The following PTPRQ variants were observed in gnomAD, a reference collection of about 807,000 sequenced individuals.
PTPRQ encodes phosphatidylinositol phosphatase PTPRQ.
In PTPRQ, 199 loss-of-function variants were observed where a neutral mutation model predicts 246.0. The ratio of observed to expected loss-of-function variants is 0.81; its 90% CI spans 0.72 to 0.91. PTPRQ has a LOEUF of 0.91. PTPRQ is among the 40% of genes least tolerant of loss of function. PTPRQ has a pLI of 0.00. For synonymous variants in PTPRQ, 869 were observed against 853.2 expected, an observed-to-expected ratio of 1.02 and a Z score of -0.32; for missense variants, 2,624 against 2,528.4, an observed-to-expected ratio of 1.04 and a Z score of -0.81.
At chr12:80,633,348 C>T (rs1348075612) in intron 34 of PTPRQ, among the ~76,000 whole-genome samples, 1 of 152,186 alleles carries the variant, frequency 6.6e-6, no homozygotes, top group Non-Finnish European at 1.5e-5. Context: ...AGACCCCCTT[C>T]TCATGCTTAC....
Position 80,483,873 on chromosome 12 carries a change from T to C in PTPRQ, c.1187-560T>C, listed in dbSNP as rs1428837423. Among the ~76,000 whole-genome samples, 3 of 152,292 alleles carry C rather than the reference T, an allele frequency of 2.0e-5. No individual in the cohort carries two copies. In the East Asian group the frequency reaches 5.8e-4, roughly 29 times the overall value. On this transcript the variant is annotated intron_variant, in intron 8 of 44. Coordinates refer to ENST00000644991, the MANE Select transcript of PTPRQ (RefSeq NM_001145026.2). ...CCTTGTGATAGTTTGCTGAGAATGA[T>C]GGTTTCCAGCTTTATCCATGTCCCT...
At chr12:80,664,403 A>T (rs1368803902) in intron 39 of PTPRQ, among the ~76,000 whole-genome samples, 1 of 151,996 alleles carries the variant, frequency 6.6e-6, no homozygotes, top group African/African-American at 2.4e-5. Context: ...CTGTGGCTGC[A>T]TATGAACTGT....
At chr12:80,511,103 T>C (rs1895113281) in intron 17 of PTPRQ, among the ~76,000 whole-genome samples, 2 of 152,146 alleles carry the variant, frequency 1.3e-5, no homozygotes. Context: ...ATATTTCAAC[T>C]CAGAAAATAC....
chr12:80,551,471 G>A (rs1196769192), intron 25 of PTPRQ, among the ~76,000 whole-genome samples: 1 of 152,100 alleles, frequency 6.6e-6, no homozygotes, highest in Non-Finnish European at 1.5e-5. Context: ...CTACCCATAA[G>A]TCTCATCTTT....
chr12:80,598,435 T>A (rs1898040113), intron 26 of PTPRQ, among the ~76,000 whole-genome samples: 1 of 151,972 alleles, frequency 6.6e-6, no homozygotes, highest in African/African-American at 2.4e-5. Context: ...GGAAATAAGA[T>A]GAATCCAATT....
chr12:80,503,924 T>C lies in PTPRQ; in HGVS notation c.2273-2100T>C, dbSNP rs146938054. 1.7e-3 allele frequency among the ~76,000 whole-genome samples: 251 copies of C among 148,272 alleles called. 1 individual carries two copies. Among genetic ancestry groups the C allele is most frequent in the African/African-American group, 6.1e-3 (240 of 39,152 alleles). On this transcript the variant is annotated intron_variant, in intron 14 of 44. Coordinates refer to ENST00000644991, the MANE Select transcript of PTPRQ (RefSeq NM_001145026.2). ...CAGTTGATGTTGATTGTCAGTCTAATTGTCATTCCTATGTAGAAGATTTTT... is the reference window on the plus strand; with the variant it reads ...CAGTTGATGTTGATTGTCAGTCTAACTGTCATTCCTATGTAGAAGATTTTT...
rs554393288 is a variant in PTPRQ, at chr12:80,559,068, G to A, written c.4285+9334G>A. Among the ~76,000 whole-genome samples, 6 of 151,962 alleles carry A rather than the reference G, an allele frequency of 3.9e-5. No individual in the cohort carries two copies. In the South Asian group the frequency reaches 1.2e-3, roughly 32 times the overall value. ...TTTCTTTCTTTTCTTTTTTTGAGACGGAGTCTCGCTCTGTCGCCCGGGGTG... is the reference window on the plus strand; with the variant it reads ...TTTCTTTCTTTTCTTTTTTTGAGACAGAGTCTCGCTCTGTCGCCCGGGGTG... On this transcript the variant is annotated intron_variant, in intron 25 of 44. Transcript: ENST00000644991.
intron 25 of PTPRQ, among the ~76,000 whole-genome samples, chr12:80,566,337 G>T (rs1402652725): frequency 6.6e-6 from 1 of 152,000 alleles, no homozygotes; most frequent in Non-Finnish European, 1.5e-5. Context: ...AGTTAGCCGG[G>T]CATGGTGGCA....
intron 9 of PTPRQ, among the ~76,000 whole-genome samples, chr12:80,490,449 C>T (rs759602573): frequency 6.6e-6 from 1 of 151,934 alleles, no homozygotes; most frequent in Non-Finnish European, 1.5e-5. Flanking sequence ...CTGAAGACTC[C>T]TAATTCTTTC....
chr12:80,496,871 A>C (rs1391582613), intron 14 of PTPRQ, among the ~76,000 whole-genome samples: 1 of 152,016 alleles, frequency 6.6e-6, no homozygotes, highest in Non-Finnish European at 1.5e-5. Context: ...TACTCATAGG[A>C]ATAGATTCTG....
At chr12:80,622,213 C>T (rs1899021449) in intron 33 of PTPRQ, 79 bp downstream of exon 33, 2 of 1,068,256 alleles carry the variant, frequency 1.9e-6, no homozygotes, top group Non-Finnish European at 2.5e-6. Flanking sequence ...TGTATTAATC[C>T]ATGTCTAGAT....
In PTPRQ at chr12:80,542,270, T is replaced by C. The variant is rs1409629784; in HGVS notation, c.3627T>C (p.Leu1209=). The C allele has an allele frequency of 3.9e-6, 6 of 1,550,682 alleles. No individual in the cohort carries two copies. The highest frequency in any genetic ancestry group is 5.2e-6 in the Non-Finnish European group (6 of 1,146,506). The change falls in exon 22 of 45, where the codon CTT becomes CTC. Residue 1209 remains leucine, a synonymous_variant. Transcript: ENST00000644991. ...ATAATTACATAATATTGGAAGAGCT[T>C]TCACCATTTACATTATATAGCTTTT... is the stretch of plus-strand genomic sequence containing the variant. The part of the protein sequence containing the change: ...TSDNYIILEE[L]SPFTLYSFFA...
chr12:80,654,583 C>T (rs887553763), intron 38 of PTPRQ, among the ~76,000 whole-genome samples: 1 of 151,702 alleles, frequency 6.6e-6, no homozygotes, highest in African/African-American at 2.4e-5. Flanking sequence ...CGCGGTGGCT[C>T]ACGCCTGTAA....
At chr12:80,612,113 T>C (rs943705509) in intron 28 of PTPRQ, among the ~76,000 whole-genome samples, 5 of 150,338 alleles carry the variant, frequency 3.3e-5, no homozygotes, top group African/African-American at 7.3e-5. Context: ...AAAATAGATA[T>C]AGTCATTCAA....
intron 17 of PTPRQ, among the ~76,000 whole-genome samples, chr12:80,517,404 A>C (rs1895337772): frequency 6.6e-6 from 1 of 152,102 alleles, no homozygotes; most frequent in African/African-American, 2.4e-5. Context: ...TTATATATTT[A>C]TGGGGTACAT....
chr12:80,592,078 C>T (rs1186103055), intron 26 of PTPRQ, among the ~76,000 whole-genome samples: 1 of 152,182 alleles, frequency 6.6e-6, no homozygotes, highest in East Asian at 1.9e-4. Context: ...CCTATTTCCT[C>T]CACTTCTTAC....
Position 80,673,320 on chromosome 12 carries a change from C to T in PTPRQ, c.6738+16C>T, listed in dbSNP as rs766933229. 4 of 1,540,404 alleles carry T rather than the reference C, an allele frequency of 2.6e-6. No homozygotes were observed. The highest frequency in any genetic ancestry group is 1.7e-4 in the Middle Eastern group (1 of 5,942). On this transcript the variant is annotated intron_variant, in intron 43 of 44. Coordinates refer to ENST00000644991, the MANE Select transcript of PTPRQ (RefSeq NM_001145026.2). Reference sequence around the variant, plus strand: ...GCAGAATCTGGTAAGATCTCTAAACCTGCACTGCATTCTAAAGTTCTAGAA... The same window carrying T: ...GCAGAATCTGGTAAGATCTCTAAACTTGCACTGCATTCTAAAGTTCTAGAA...
intron 32 of PTPRQ, among the ~76,000 whole-genome samples, chr12:80,621,624 G>C (rs1404937053): frequency 6.6e-6 from 1 of 151,960 alleles, no homozygotes; most frequent in African/African-American, 2.4e-5. Flanking sequence ...GTTTATATGT[G>C]AACAAGACAA....
At chr12:80,452,650 T>C (rs547070942) in intron 3 of PTPRQ, among the ~76,000 whole-genome samples, 3 of 152,192 alleles carry the variant, frequency 2.0e-5, no homozygotes, top group African/African-American at 7.2e-5. Flanking sequence ...GATATGAAAT[T>C]CTGGGTTGCA....
Sources: allele counts gnomAD v4.1 joint callset (sites outside exome capture counted in the v4.1 genomes callset), GRCh38; gene constraint gnomAD v4.1.1; transcripts MANE v1.5; gene names NCBI Gene and HGNC (gene_info 2026-07-23, HGNC 2026-07-21).